Variants in PIBF1 observed in about 807,000 individuals in gnomAD.
PIBF1 encodes progesterone-induced-blocking factor 1.
In PIBF1, 90 loss-of-function variants were observed where a neutral mutation model predicts 112.5. The observed-to-expected ratio is 0.80, with a 90% CI of 0.67 to 0.95. PIBF1 has a LOEUF of 0.95. PIBF1 is among the 40% of genes least tolerant of loss of function. PIBF1 has a pLI of 0.00. For synonymous variants in PIBF1, 301 were observed against 288.6 expected (o/e 1.04, Z -0.44); for missense variants, 915 against 852.3 (o/e 1.07, Z -0.92).
At chr13:72,859,241 G>A (rs559760565) in intron 10 of PIBF1, among the ~76,000 whole-genome samples, 1 of 152,170 alleles carries the variant, frequency 6.6e-6, no homozygotes, top group African/African-American at 2.4e-5. Flanking sequence ...AAATAAAGAA[G>A]ACTACATTTC....
chr13:72,792,290 T>G (rs1257426979), intron 2 of PIBF1, among the ~76,000 whole-genome samples, 157 bp from the exon 3 acceptor site: 9 of 152,154 alleles, frequency 5.9e-5, no homozygotes. Context: ...CACTTGGCCT[T>G]CCAAAGTGCT....
chr13:72,858,785 A>G (rs1009584819), intron 10 of PIBF1, among the ~76,000 whole-genome samples: 1 of 152,328 alleles, frequency 6.6e-6, no homozygotes, highest in Middle Eastern at 3.4e-3. Flanking sequence ...AATCATAGTT[A>G]CTGAGAAACT....
intron 2 of PIBF1, among the ~76,000 whole-genome samples, chr13:72,787,727 C>T (rs943216807): frequency 6.6e-6 from 1 of 152,062 alleles, no homozygotes; most frequent in Non-Finnish European, 1.5e-5. Flanking sequence ...GGCATGATCT[C>T]AGCTCACTAC....
At chr13:72,837,707 A>G (rs764587670) in intron 9 of PIBF1, among the ~76,000 whole-genome samples, 2 of 152,134 alleles carry the variant, frequency 1.3e-5, no homozygotes, top group Non-Finnish European at 2.9e-5. Context: ...CTATGTTTCC[A>G]GTATATAAAC....
chr13:72,891,536 C>G (rs2040057134), intron 10 of PIBF1, among the ~76,000 whole-genome samples: 1 of 151,860 alleles, frequency 6.6e-6, no homozygotes, highest in African/African-American at 2.4e-5. Flanking sequence ...CACTAGAATG[C>G]ATAATCAAAA....
At position 72,827,926 on chromosome 13, in the gene PIBF1, A is replaced by G. The variant is rs770487804; in HGVS notation, c.1097+12A>G. 3 of 1,535,480 alleles carry G rather than the reference A, an allele frequency of 2.0e-6. No homozygotes were observed. The highest frequency in any genetic ancestry group is 2.0e-5 in the Admixed American group (1 of 50,528). ...TATGTAGCATCCAGGCAAGATTTGC[A>G]TTATTTCCCACGTAAATAGATACCA... On this transcript the variant is annotated intron_variant, in intron 8 of 17. Coordinates refer to ENST00000326291, the MANE Select transcript of PIBF1 (RefSeq NM_006346.4).
At position 72,897,469 on chromosome 13, in the gene PIBF1, G is replaced by A. The variant is rs147361703; in HGVS notation, c.1488+3520G>A. Among the ~76,000 whole-genome samples the A allele has an allele frequency of 2.1e-4, 32 of 152,280 alleles. No homozygotes were observed. The South Asian group carries it at 6.6e-3, about 32-fold the overall frequency. Reference sequence around the variant, plus strand: ...GAATGCAATGGTACCTCACATTTCAGTACTAACATTAGATGTAAATGGCCT... The same window carrying A: ...GAATGCAATGGTACCTCACATTTCAATACTAACATTAGATGTAAATGGCCT... On this transcript the variant is annotated intron_variant, in intron 11 of 17. Transcript: ENST00000326291.
At chr13:72,942,526 T>G (rs1418798515) in intron 14 of PIBF1, among the ~76,000 whole-genome samples, 2 of 152,176 alleles carry the variant, frequency 1.3e-5, no homozygotes, top group African/African-American at 4.8e-5. Context: ...TATGAAGGAC[T>G]AGCCATACTC....
At chr13:72,999,985 G>T (rs544575849) in intron 17 of PIBF1, among the ~76,000 whole-genome samples, 1 of 151,850 alleles carries the variant, frequency 6.6e-6, no homozygotes, top group Non-Finnish European at 1.5e-5. Flanking sequence ...GAGAATTGTC[G>T]GTGCGATGGC....
At chr13:72,944,435 G>A (rs1448671616) in intron 14 of PIBF1, among the ~76,000 whole-genome samples, 1 of 115,436 alleles carries the variant, frequency 8.7e-6, no homozygotes, top group African/African-American at 3.4e-5. Flanking sequence ...AGGTGACAGA[G>A]CAAGACTGTC....
In PIBF1 at chr13:72,884,617, C is replaced by T. The variant is rs550601391; in HGVS notation, c.1323-9167C>T. ...TGAGTTGCTTTGATTATATTAGGCT[C>T]TTTATTATTTCATTTTTATCCTGAA... is the stretch of plus-strand genomic sequence containing the variant. On this transcript the variant is annotated intron_variant, in intron 10 of 17. Transcript: ENST00000326291. 15 of 152,204 alleles carry T rather than the reference C, an allele frequency of 9.9e-5. No homozygotes were observed. In the East Asian group the frequency reaches 2.7e-3, roughly 27 times the overall value. The allele number at this position is 152,204 out of a possible 1,614,324, so 9.4% of individuals were successfully genotyped here. A position where few individuals can be genotyped will look rare whatever the true frequency, so the allele number is the denominator to read the frequency against.
At position 72,783,391 on chromosome 13, in the gene PIBF1, G is replaced by A. The variant is rs1389571925; in HGVS notation, c.-47-32G>A. 3.2e-6 allele frequency: 3 copies of A among 951,236 alleles called. No homozygotes were observed. In the African/African-American group the frequency reaches 5.0e-5, roughly 16 times the overall value. The allele number at this position is 951,236 out of a possible 1,614,324, so 58.9% of individuals were successfully genotyped here. On this transcript the variant is annotated intron_variant, in intron 1 of 17. Transcript: ENST00000326291. ...CATGATTTCTGTAGTTAATTTTATA[G>A]TACATTTGAATTAATGTTTTTTAAC...
chr13:72,993,921 A>T (rs972608841), intron 16 of PIBF1, among the ~76,000 whole-genome samples: 8 of 152,080 alleles, frequency 5.3e-5, no homozygotes, highest in Admixed American at 2.0e-4. Context: ...AAGGAGTTCA[A>T]GACTAGCCTG....
rs533024089 is a variant in PIBF1 at position 72,901,324 on chromosome 13, T to TG, written c.1489-7203dup. Among the ~76,000 whole-genome samples, 53 of 152,242 alleles carry TG rather than the reference T, an allele frequency of 3.5e-4. No homozygotes were observed. The East Asian group carries it at 0.01, about 29-fold the overall frequency. On this transcript the variant is annotated intron_variant, in intron 11 of 17. Transcript: ENST00000326291. ...AAAAATGCTCAACATTGCTAATGAT[T>TG]GGGGAAATGCAAAACAAAACCACGA...
chr13:72,911,464 A>G (rs79437450), intron 12 of PIBF1, among the ~76,000 whole-genome samples: 38 of 152,326 alleles, frequency 2.5e-4, no homozygotes, highest in Non-Finnish European at 5.3e-4. Flanking sequence ...CCATACACCA[A>G]TATTAATCTG....
chr13:72,795,590 A>G (rs755398624), intron 4 of PIBF1, 33 bp downstream of exon 4: 1 of 1,300,516 alleles, frequency 7.7e-7, no homozygotes, highest in Non-Finnish European at 1.1e-6. Context: ...TAACTATGAC[A>G]TATATTTTCA....
intron 17 of PIBF1, among the ~76,000 whole-genome samples, chr13:73,002,333 A>G (rs535195883): frequency 6.6e-6 from 1 of 152,308 alleles, no homozygotes; most frequent in African/African-American, 2.4e-5. Flanking sequence ...AGTTAGTGCT[A>G]CTTCTGCAAC....
chr13:72,789,124 A>G (rs2034759342), intron 2 of PIBF1, among the ~76,000 whole-genome samples: 1 of 152,074 alleles, frequency 6.6e-6, no homozygotes, highest in African/African-American at 2.4e-5. Context: ...TTTTATTTCC[A>G]TCTATTGCTG....
chr13:72,923,990 T>A (rs1267035861), intron 13 of PIBF1, among the ~76,000 whole-genome samples: 1 of 152,084 alleles, frequency 6.6e-6, no homozygotes, highest in Non-Finnish European at 1.5e-5. Flanking sequence ...TAAATAAAGA[T>A]CTTAGGACTT....
Sources: allele counts gnomAD v4.1 joint callset (sites outside exome capture counted in the v4.1 genomes callset), GRCh38; gene constraint gnomAD v4.1.1; transcripts MANE v1.5; gene names NCBI Gene and HGNC (gene_info 2026-07-23, HGNC 2026-07-21).